DGKI: variants seen among roughly 807,000 people sequenced by gnomAD.
The protein encoded by DGKI is DAG kinase iota.
DGKI carries 55 observed loss-of-function variants against 147.5 expected under a neutral mutation model. The ratio of observed to expected loss-of-function variants is 0.37; its 90% CI spans 0.30 to 0.47. The LOEUF (loss-of-function observed/expected upper bound fraction) is 0.47. Among genes scored for constraint, DGKI ranks in the 20% least tolerant of loss-of-function variants. The pLI is 1.00. For synonymous variants in DGKI, 469 were observed against 477.1 expected (o/e 0.98, Z 0.22); for missense variants, 1,007 against 1,323.8 (o/e 0.76, Z 3.71).
intron 1 of DGKI, among the ~76,000 whole-genome samples, chr7:137,845,182 C>CCCTG (rs1172137047): frequency 6.6e-6 from 1 of 152,194 alleles, no homozygotes; most frequent in Non-Finnish European, 1.5e-5. Context: ...ACAACCTCAC[C>CCCTG]AGGAAGGCGT....
chr7:137,721,927 C>T, intron 1 of DGKI: 2 of 1,064,614 alleles, frequency 1.9e-6, no homozygotes, highest in South Asian at 3.3e-5. Context: ...CCAGCTAATA[C>T]TCCATCCTCA....
chr7:137,691,798 G>GGTT (rs1313820202), intron 1 of DGKI, among the ~76,000 whole-genome samples: 1 of 95,816 alleles, frequency 1.0e-5, no homozygotes, highest in South Asian at 5.2e-4. Flanking sequence ...AGACCTTTGG[G>GGTT]TTTTTTTTTT....
At chr7:137,573,839 G>T (rs1302267021) in intron 17 of DGKI, among the ~76,000 whole-genome samples, 1 of 152,098 alleles carries the variant, frequency 6.6e-6, no homozygotes, top group African/African-American at 2.4e-5. Flanking sequence ...TTTCTGCAAG[G>T]GTATCATCCT....
At chr7:137,726,409 C>T (rs968499881) in intron 1 of DGKI, among the ~76,000 whole-genome samples, 2 of 152,156 alleles carry the variant, frequency 1.3e-5, no homozygotes, top group Non-Finnish European at 2.9e-5. Flanking sequence ...AAATATTTTT[C>T]TCATGGTCAC....
At chr7:137,611,112 A>G (rs911547707) in intron 8 of DGKI, among the ~76,000 whole-genome samples, 1 of 152,198 alleles carries the variant, frequency 6.6e-6, no homozygotes, top group East Asian at 1.9e-4. Flanking sequence ...TCACTGAGGA[A>G]TATTTCGCAT....
chr7:137,590,696 T>C (rs1006749309), intron 12 of DGKI, among the ~76,000 whole-genome samples: 2 of 152,102 alleles, frequency 1.3e-5, no homozygotes, highest in Non-Finnish European at 2.9e-5. Context: ...TGCTGTGTTG[T>C]TGTTTTTTTT....
chr7:137,520,335 T>C (rs893553594), intron 21 of DGKI, among the ~76,000 whole-genome samples: 1 of 152,124 alleles, frequency 6.6e-6, no homozygotes, highest in East Asian at 1.9e-4. Flanking sequence ...CATAAAACAC[T>C]GTTCTTTATG....
chr7:137,669,972 G>A (rs890938782), intron 3 of DGKI, among the ~76,000 whole-genome samples: 23 of 152,090 alleles, frequency 1.5e-4, no homozygotes, highest in African/African-American at 5.6e-4. Context: ...TGGGTGTTCT[G>A]TGGGGAAATT....
chr7:137,526,433 A>G (rs897240457), intron 20 of DGKI, among the ~76,000 whole-genome samples: 1 of 151,266 alleles, frequency 6.6e-6, no homozygotes, highest in Non-Finnish European at 1.5e-5. Context: ...CACTACCCCA[A>G]TTCTCTGCAA....
At chr7:137,804,288 A>G (rs186029557) in intron 1 of DGKI, among the ~76,000 whole-genome samples, 11 of 152,336 alleles carry the variant, frequency 7.2e-5, no homozygotes, top group African/African-American at 1.9e-4. Context: ...GAAAATGAAG[A>G]AAATTACCAC....
At chr7:137,404,423 C>T (rs1562997728) in intron 30 of DGKI, among the ~76,000 whole-genome samples, 5 of 152,192 alleles carry the variant, frequency 3.3e-5, no homozygotes, top group African/African-American at 1.2e-4. Flanking sequence ...CAGTAAGAAT[C>T]AATTGCATTT....
intron 23 of DGKI, among the ~76,000 whole-genome samples, chr7:137,479,385 A>G (rs1313923148): frequency 6.6e-6 from 1 of 152,192 alleles, no homozygotes; most frequent in Non-Finnish European, 1.5e-5. Context: ...TGCTAAAAAT[A>G]TAGGCACATG....
intron 18 of DGKI, 50 bp from the exon 19 acceptor site, chr7:137,571,336 G>A: frequency 7.5e-7 from 1 of 1,336,168 alleles, no homozygotes; most frequent in Non-Finnish European, 1.1e-6. Flanking sequence ...TCCTTCTCAT[G>A]ACTATCATGA....
chr7:137,816,983 T>C (rs1330033243), intron 1 of DGKI, among the ~76,000 whole-genome samples: 1 of 152,146 alleles, frequency 6.6e-6, no homozygotes, highest in African/African-American at 2.4e-5. Context: ...TCCCAGGAGT[T>C]ATGACAAAAT....
chr7:137,492,215 G>C (rs1170620503), intron 21 of DGKI, among the ~76,000 whole-genome samples: 1 of 152,120 alleles, frequency 6.6e-6, no homozygotes, highest in African/African-American at 2.4e-5. Flanking sequence ...GAAGAGAAAG[G>C]CAAAAGTGAT....
chr7:137,831,791 T>C (rs1798228374), intron 1 of DGKI, among the ~76,000 whole-genome samples: 1 of 152,142 alleles, frequency 6.6e-6, no homozygotes, highest in Admixed American at 6.5e-5. Context: ...GTCCAAAGTC[T>C]CACCTGAGAC....
At chr7:137,664,227 A>C (rs1822547896) in intron 3 of DGKI, among the ~76,000 whole-genome samples, 3 of 151,878 alleles carry the variant, frequency 2.0e-5, no homozygotes, top group Admixed American at 1.3e-4. Flanking sequence ...AAATACAAAA[A>C]ATTAGCTGGG....
At chr7:137,504,855 A>G (rs1244340388) in intron 21 of DGKI, among the ~76,000 whole-genome samples, 3 of 152,194 alleles carry the variant, frequency 2.0e-5, no homozygotes, top group Non-Finnish European at 4.4e-5. Flanking sequence ...AGCATGATCC[A>G]TGAAAGAAAA....
intron 30 of DGKI, among the ~76,000 whole-genome samples, chr7:137,405,648 G>T (rs910723794): frequency 6.6e-6 from 1 of 152,158 alleles, no homozygotes; most frequent in Non-Finnish European, 1.5e-5. Context: ...CCTGTGACTT[G>T]TTTTAGCCAA....
Sources: allele counts gnomAD v4.1 joint callset (sites outside exome capture counted in the v4.1 genomes callset), GRCh38; gene constraint gnomAD v4.1.1; transcripts MANE v1.5; gene names NCBI Gene and HGNC (gene_info 2026-07-23, HGNC 2026-07-21).